PPM1L: variants seen among roughly 807,000 people sequenced by gnomAD.
PPM1L encodes the protein protein phosphatase 1L.
Under a neutral mutation model 31.4 loss-of-function variants are expected in PPM1L, and 13 were observed. That is an observed-to-expected ratio of 0.41 (90% CI 0.27 to 0.66). The LOEUF (loss-of-function observed/expected upper bound fraction) is 0.66, where lower values mean the gene tolerates loss of function less well. PPM1L is among the 30% of genes least tolerant of loss of function. The pLI is 0.29. For missense variants in PPM1L, 326 were observed against 453.7 expected, an observed-to-expected ratio of 0.72 and a Z score of 2.56; for synonymous variants, 184 against 175.4, an observed-to-expected ratio of 1.05 and a Z score of -0.39.
chr3:161,052,073 A>C (rs1719296335), intron 2 of PPM1L, among the ~76,000 whole-genome samples: 1 of 152,128 alleles, frequency 6.6e-6, no homozygotes, highest in African/African-American at 2.4e-5. Flanking sequence ...AGCTCCTGAG[A>C]GTTACTGTTC....
At chr3:160,906,697 G>A (rs142289163) in intron 1 of PPM1L, among the ~76,000 whole-genome samples, 4 of 152,324 alleles carry the variant, frequency 2.6e-5, no homozygotes, top group African/African-American at 9.6e-5. Flanking sequence ...AGTCAGGATG[G>A]TGGCTATGGC....
intron 2 of PPM1L, among the ~76,000 whole-genome samples, chr3:160,973,920 T>G (rs1306493716): frequency 6.6e-6 from 1 of 151,092 alleles, no homozygotes; most frequent in Non-Finnish European, 1.5e-5. Context: ...GTGCACATTG[T>G]GCAGGTTAGT....
At chr3:160,865,501 C>T (rs943339686) in intron 1 of PPM1L, among the ~76,000 whole-genome samples, 12 of 152,200 alleles carry the variant, frequency 7.9e-5, no homozygotes, top group South Asian at 4.2e-4. Context: ...GTTGGCCGTG[C>T]GTGGTGGCTC....
chr3:160,783,954 G>A (rs1711823458), intron 1 of PPM1L, among the ~76,000 whole-genome samples: 1 of 152,106 alleles, frequency 6.6e-6, no homozygotes, highest in Non-Finnish European at 1.5e-5. Flanking sequence ...ATTTTGAAGA[G>A]AATCCTACAT....
chr3:161,045,763 A>G (rs972106278), intron 2 of PPM1L, among the ~76,000 whole-genome samples: 2 of 152,150 alleles, frequency 1.3e-5, no homozygotes, highest in Non-Finnish European at 2.9e-5. Context: ...GCAAGAAATA[A>G]CTAAGATCAG....
chr3:160,844,678 G>T (rs1259261627), intron 1 of PPM1L, among the ~76,000 whole-genome samples: 1 of 151,932 alleles, frequency 6.6e-6, no homozygotes, highest in South Asian at 2.1e-4. Context: ...TCATGTCTGA[G>T]AACTGTTTGT....
At position 161,020,754 on chromosome 3, in the gene PPM1L, T is replaced by C. The variant is rs77646576; in HGVS notation, c.575-44649T>C. Among the ~76,000 whole-genome samples the C allele has an allele frequency of 3.8e-4, 58 of 152,290 alleles. 1 individual carries two copies. In the South Asian group the frequency reaches 0.01, roughly 27 times the overall value. ...GTTATAGGTCTGTTGGGATCTTCTG[T>C]TTCTTCTTGAGTCAATTTTATCAGT... On this transcript the variant is annotated intron_variant, in intron 2 of 3. Transcript: ENST00000498165.
rs543661939 is a variant in PPM1L at position 160,817,022 on chromosome 3, A to G, written c.399+60315A>G. Among the ~76,000 whole-genome samples the G allele has an allele frequency of 2.6e-5, 4 of 152,254 alleles. No homozygotes were observed. In the South Asian group the frequency reaches 8.3e-4, roughly 32 times the overall value. On this transcript the variant is annotated intron_variant, in intron 1 of 3. Coordinates refer to ENST00000498165, the MANE Select transcript of PPM1L (RefSeq NM_139245.4). The stretch of plus-strand genomic sequence containing the variant: ...TGGCATAAAGAAGAATGTGGAAAAG[A>G]CAATGAGTATAAGAAAGTGGTAGAA...
intron 2 of PPM1L, among the ~76,000 whole-genome samples, chr3:160,981,359 T>C (rs930182544): frequency 2.0e-5 from 3 of 152,178 alleles, no homozygotes; most frequent in Non-Finnish European, 2.9e-5. Context: ...CTCATGTGGC[T>C]CTTGGCAGAA....
intron 3 of PPM1L, among the ~76,000 whole-genome samples, chr3:161,067,288 G>A (rs777133242): frequency 1.2e-4 from 18 of 152,094 alleles, no homozygotes; most frequent in Admixed American, 2.0e-4. Flanking sequence ...TTTGCACACC[G>A]TCTCCAAGGA....
At chr3:160,820,720 C>T (rs1244552940) in intron 1 of PPM1L, among the ~76,000 whole-genome samples, 1 of 152,054 alleles carries the variant, frequency 6.6e-6, no homozygotes, top group East Asian at 1.9e-4. Context: ...ATGTAGCATT[C>T]ACTCATTTTC....
intron 1 of PPM1L, among the ~76,000 whole-genome samples, chr3:160,896,883 G>A (rs1713351477): frequency 6.6e-6 from 1 of 152,122 alleles, no homozygotes; most frequent in Non-Finnish European, 1.5e-5. Context: ...TAATGGCCAA[G>A]TAGAAATAGC....
intron 1 of PPM1L, among the ~76,000 whole-genome samples, chr3:160,773,667 C>CT (rs1395490740): frequency 6.6e-6 from 1 of 152,148 alleles, no homozygotes; most frequent in Non-Finnish European, 1.5e-5. Context: ...GTAGCATGGA[C>CT]TATTTACAGT....
chr3:160,931,352 A>G (rs183683146), intron 1 of PPM1L, among the ~76,000 whole-genome samples: 365 of 152,310 alleles, frequency 2.4e-3, no homozygotes, highest in African/African-American at 8.5e-3. Context: ...GAGAGATCAA[A>G]TGGGAAGCTG....
At chr3:161,022,358 T>C (rs1718257880) in intron 2 of PPM1L, 1 of 390,644 alleles carries the variant, frequency 2.6e-6, no homozygotes, top group Admixed American at 4.4e-5. Context: ...TAATTATTTC[T>C]TTATGCATTT....
At chr3:160,972,829 G>A (rs1159169053) in intron 2 of PPM1L, among the ~76,000 whole-genome samples, 1 of 152,028 alleles carries the variant, frequency 6.6e-6, no homozygotes, top group Non-Finnish European at 1.5e-5. Context: ...GTGTAAAAGT[G>A]TTCCTATTTC....
intron 2 of PPM1L, among the ~76,000 whole-genome samples, chr3:160,978,784 C>T (rs904997892): frequency 3.9e-5 from 6 of 152,022 alleles, no homozygotes; most frequent in South Asian, 4.1e-4. Context: ...GAGCCGTGTT[C>T]ATGCTACTGT....
Position 160,846,295 on chromosome 3 carries a change from A to G in PPM1L, c.399+89588A>G, listed in dbSNP as rs887491865. Among the ~76,000 whole-genome samples the G allele has an allele frequency of 5.3e-5, 8 of 152,222 alleles. No homozygotes were observed. The South Asian group carries it at 1.5e-3, about 28-fold the overall frequency. The stretch of plus-strand genomic sequence containing the variant: ...TGGACATGTGGTGAAGTCACACCTC[A>G]TTAACAGAATATAAATTTTCCATGT... On this transcript the variant is annotated intron_variant, in intron 1 of 3. Transcript: ENST00000498165.
chr3:161,012,804 G>A (rs1401874306), intron 2 of PPM1L, among the ~76,000 whole-genome samples: 10 of 152,308 alleles, frequency 6.6e-5, no homozygotes, highest in South Asian at 2.1e-4. Flanking sequence ...GTTTATTTGT[G>A]TAGAGGTGTT....
Sources: allele counts gnomAD v4.1 joint callset (sites outside exome capture counted in the v4.1 genomes callset), GRCh38; gene constraint gnomAD v4.1.1; transcripts MANE v1.5; gene names NCBI Gene and HGNC (gene_info 2026-07-23, HGNC 2026-07-21).